ZNF148: variants seen among roughly 807,000 people sequenced by gnomAD.
ZNF148 encodes the protein zinc finger protein 148, also known as Beta-Enolase Repressor Factor-1.
A neutral mutation model predicts 67.7 loss-of-function variants in ZNF148; 7 were observed. The ratio of observed to expected loss-of-function variants is 0.10; its 90% CI spans 0.06 to 0.19. The LOEUF (loss-of-function observed/expected upper bound fraction) is 0.19. ZNF148 is among the 10% of genes least tolerant of loss of function. The pLI is 1.00. For synonymous variants in ZNF148, 333 were observed against 330.7 expected, an observed-to-expected ratio of 1.01 and a Z score of -0.08; for missense variants, 583 against 947.1, an observed-to-expected ratio of 0.62 and a Z score of 5.05.
chr3:125,359,818 G>A (rs868263548), intron 1 of ZNF148, among the ~76,000 whole-genome samples: 24 of 152,272 alleles, frequency 1.6e-4, no homozygotes, highest in Middle Eastern at 6.8e-3. Context: ...TCACTTCAGC[G>A]AGCGCCCACC....
At chr3:125,257,647 G>C (rs1226375333) in intron 7 of ZNF148, among the ~76,000 whole-genome samples, 1 of 151,264 alleles carries the variant, frequency 6.6e-6, no homozygotes, top group East Asian at 1.9e-4. Context: ...GTTATTTGTG[G>C]CAAATCCACA....
chr3:125,317,738 C>T (rs1410952298), intron 3 of ZNF148, among the ~76,000 whole-genome samples: 1 of 140,342 alleles, frequency 7.1e-6, no homozygotes, highest in Non-Finnish European at 1.5e-5. Context: ...TGGTAAGAAA[C>T]TTACCTGGAA....
chr3:125,233,504 T>C lies in ZNF148; in HGVS notation c.1222A>G (p.Asn408Asp). ...GTGGATAAAGGTGAAATTGTTTGAT[T>C]TTGCTCCAGTGGCTGTTTCAGACTT... is the stretch of plus-strand genomic sequence containing the variant. ...KRSLKQPLEQ[N>D]QTISPLSTYE... Residue 408 changes from asparagine (N) to aspartate (D), a missense_variant, in exon 9 of 9, where the codon AAT (asparagine) becomes GAT (aspartate). Coordinates refer to ENST00000360647, the MANE Select transcript of ZNF148 (RefSeq NM_021964.3). This position sits in a 1 kb window ranked among gnomAD's most constrained non-coding sequence, Gnocchi z 5.1. 1.2e-6 allele frequency: 2 copies of C among 1,613,916 alleles called. No homozygotes were observed. The highest frequency in any genetic ancestry group is 1.7e-6 in the Non-Finnish European group (2 of 1,179,936).
Position 125,229,651 on chromosome 3 carries a change from C to T in ZNF148, c.*2690G>A, listed in dbSNP as rs1290738081. Reference sequence around the variant, plus strand: ...ATTGATCAAAAGTTTAAGGGTGTACCAGCATGTTTTTATAGAACAATGTGC... The same window carrying T: ...ATTGATCAAAAGTTTAAGGGTGTACTAGCATGTTTTTATAGAACAATGTGC... On this transcript the variant is annotated 3_prime_UTR_variant, in exon 9 of 9. Coordinates refer to ENST00000360647, the MANE Select transcript of ZNF148 (RefSeq NM_021964.3). The T allele has an allele frequency of 6.6e-6, 1 of 152,078 alleles. No homozygotes were observed. Among genetic ancestry groups the T allele is most frequent in the Admixed American group, 6.6e-5 (1 of 15,254 alleles). The allele number at this position is 152,078 out of a possible 1,614,324, so 9.4% of individuals were successfully genotyped here.
intron 4 of ZNF148, among the ~76,000 whole-genome samples, chr3:125,311,981 A>G (rs551791498): frequency 6.6e-6 from 1 of 152,258 alleles, no homozygotes; most frequent in East Asian, 1.9e-4. Flanking sequence ...ACCAGACCCA[A>G]AGCAGTTCAC....
chr3:125,341,269 T>C (rs1418981191), intron 1 of ZNF148, among the ~76,000 whole-genome samples: 1 of 147,376 alleles, frequency 6.8e-6, no homozygotes, highest in Non-Finnish European at 1.5e-5. Flanking sequence ...AAACAGAAGT[T>C]ATTAAAAAAA....
At chr3:125,274,080 C>T (rs1160174648) in intron 7 of ZNF148, among the ~76,000 whole-genome samples, 2 of 152,174 alleles carry the variant, frequency 1.3e-5, no homozygotes, top group African/African-American at 4.8e-5. Context: ...ATATGCCATT[C>T]TAACATTTAT....
At chr3:125,281,118 A>T (rs1158307715) in intron 5 of ZNF148, among the ~76,000 whole-genome samples, 1 of 152,220 alleles carries the variant, frequency 6.6e-6, no homozygotes, top group Non-Finnish European at 1.5e-5. Flanking sequence ...TATACAGGGC[A>T]TTTGGATTCT....
chr3:125,363,575 T>C (rs181561161), intron 1 of ZNF148, among the ~76,000 whole-genome samples: 28 of 152,340 alleles, frequency 1.8e-4, no homozygotes, highest in African/African-American at 6.7e-4. Flanking sequence ...CTTCCCATTC[T>C]TTCTTTGAGG....
chr3:125,311,584 TA>T (rs1278245539), intron 4 of ZNF148, among the ~76,000 whole-genome samples: 1 of 152,112 alleles, frequency 6.6e-6, no homozygotes, highest in Non-Finnish European at 1.5e-5. Context: ...AGTGTCTTTT[TA>T]AAATCAAATG....
At chr3:125,276,013 T>A (rs934395142) in intron 7 of ZNF148, among the ~76,000 whole-genome samples, 1 of 152,198 alleles carries the variant, frequency 6.6e-6, no homozygotes, top group East Asian at 1.9e-4. Context: ...CTTGCTTATA[T>A]GTGTGTTTTT....
intron 1 of ZNF148, among the ~76,000 whole-genome samples, chr3:125,350,033 A>G (rs1257920338): frequency 1.3e-5 from 2 of 152,258 alleles, no homozygotes; most frequent in Non-Finnish European, 2.9e-5. Context: ...GTTCATAGGA[A>G]TGCAAAATGG....
At chr3:125,272,420 T>C (rs1356651872) in intron 7 of ZNF148, among the ~76,000 whole-genome samples, 2 of 152,188 alleles carry the variant, frequency 1.3e-5, no homozygotes, top group African/African-American at 4.8e-5. Flanking sequence ...CTATATAGAT[T>C]TGAGGGGTAG....
chr3:125,252,168 A>G (rs1936867705), intron 7 of ZNF148, among the ~76,000 whole-genome samples: 1 of 152,170 alleles, frequency 6.6e-6, no homozygotes, highest in South Asian at 2.1e-4. Context: ...AATTCTGTAC[A>G]TATTCATCAG....
intron 2 of ZNF148, among the ~76,000 whole-genome samples, chr3:125,329,259 T>C (rs905819108): frequency 6.8e-6 from 1 of 147,976 alleles, no homozygotes; most frequent in African/African-American, 2.5e-5. Context: ...CTGTAGTATA[T>C]ACATATGAAT....
intron 7 of ZNF148, among the ~76,000 whole-genome samples, chr3:125,237,391 G>A (rs1486308062): frequency 1.3e-5 from 2 of 152,106 alleles, no homozygotes; most frequent in South Asian, 2.1e-4. Flanking sequence ...AGACCAGCTT[G>A]GGCAACATGG....
chr3:125,357,935 CCTTG>C (rs1353392997), intron 1 of ZNF148: 1 of 63,210 alleles, frequency 1.6e-5, no homozygotes, highest in Non-Finnish European at 3.2e-5. Flanking sequence ...TTTTTTCTTG[CCTTG>C]CTTGTTTTAT....
intron 1 of ZNF148, among the ~76,000 whole-genome samples, chr3:125,346,765 C>G (rs1258511194): frequency 1.3e-5 from 2 of 152,106 alleles, no homozygotes; most frequent in Non-Finnish European, 2.9e-5. Context: ...CCTCCCCAGC[C>G]AATTAAACCT....
At chr3:125,331,494 A>AGGAT (rs1941290249) in intron 1 of ZNF148, among the ~76,000 whole-genome samples, 1 of 152,244 alleles carries the variant, frequency 6.6e-6, no homozygotes, top group African/African-American at 2.4e-5. Flanking sequence ...CTTCCAGTGA[A>AGGAT]GGATTAAGAT....
Sources: gnomAD v4.1 joint callset for allele counts (sites outside exome capture counted in the v4.1 genomes callset) on GRCh38, gnomAD v4.1.1 for gene constraint, Gnocchi (gnomAD v3.1) non-coding constraint, MANE v1.5 for transcripts, NCBI Gene and HGNC (gene_info 2026-07-23, HGNC 2026-07-21) for gene names.